NR1D1: variants seen among roughly 807,000 people sequenced by gnomAD.
The protein encoded by NR1D1 is nuclear receptor subfamily 1 group D member 1, also known as Rev-ErbAalpha.
Under a neutral mutation model 51.1 loss-of-function variants are expected in NR1D1, and 17 were observed. The observed-to-expected ratio is 0.33, with a 90% confidence interval of 0.23 to 0.50. The LOEUF is 0.50. NR1D1 is among the 20% of genes least tolerant of loss of function. NR1D1 has a pLI of 0.98. For missense variants in NR1D1, 647 were observed against 830.4 expected, an observed-to-expected ratio of 0.78 and a Z score of 2.71; for synonymous variants, 341 against 333.4, an observed-to-expected ratio of 1.02 and a Z score of -0.25.
At position 40,094,859 on chromosome 17, in the gene NR1D1, T is replaced by C. The variant is rs1359910488; in HGVS notation, c.1434+76A>G. On this transcript the variant is annotated intron_variant, in intron 6 of 7. Transcript: ENST00000246672. ...GTTGCAGTGAGTGGAGATCGCACCA[T>C]TGCACTCCAGCCTGGGCGACAAGCG... 3.2e-5 allele frequency: 45 copies of C among 1,406,258 alleles called. No homozygotes were observed. In the East Asian group the frequency reaches 4.2e-4, roughly 13 times the overall value. The allele number at this position is 1,406,258 out of a possible 1,614,324, so 87.1% of individuals were successfully genotyped here.
At chr17:40,094,439 C>T (rs937253115) in intron 6 of NR1D1, among the ~76,000 whole-genome samples, 1 of 152,184 alleles carries the variant, frequency 6.6e-6, no homozygotes, top group Non-Finnish European at 1.5e-5. Flanking sequence ...GATTAAATTC[C>T]AGCTGAGATG....
rs780299177 is a variant in NR1D1, at chr17:40,093,895, G to A, written c.1645+17C>T. 7.5e-6 allele frequency: 12 copies of A among 1,607,574 alleles called. No homozygotes were observed. Among genetic ancestry groups the A allele is most frequent in the Admixed American group, 1.7e-5 (1 of 59,934 alleles). ...GCGTCTGCCTCCTCCCCCGGGTCAG[G>A]CGAGAGCCTGACCTACCTGCAGAGA... On this transcript the variant is annotated intron_variant, in intron 7 of 7. Coordinates refer to ENST00000246672, the MANE Select transcript of NR1D1 (RefSeq NM_021724.5). This position sits in a 1 kb window ranked among gnomAD's most constrained non-coding sequence, Gnocchi z 5.9.
chr17:40,095,378 C>T, intron 5 of NR1D1, 66 bp downstream of exon 5: 2 of 1,506,556 alleles, frequency 1.3e-6, no homozygotes, highest in Non-Finnish European at 1.8e-6. Flanking sequence ...AGCTGCCCTA[C>T]ACTAAGTCCA....
chr17:40,098,544 G>A (rs1428095804), intron 1 of NR1D1, among the ~76,000 whole-genome samples: 1 of 152,194 alleles, frequency 6.6e-6, no homozygotes, highest in Admixed American at 6.5e-5. Context: ...CCAAAAAGGA[G>A]TGAGACCTTC....
At chr17:40,094,193 G>T in intron 6 of NR1D1, 71 bp from the exon 7 acceptor site, 1 of 1,433,692 alleles carries the variant, frequency 7.0e-7, no homozygotes, top group Non-Finnish European at 9.8e-7. Context: ...CCTGTAGTTT[G>T]CCAGAGGGTT....
chr17:40,094,787 A>G, intron 6 of NR1D1, 148 bp downstream of exon 6: 1 of 682,286 alleles, frequency 1.5e-6, no homozygotes, highest in Non-Finnish European at 2.4e-6. Context: ...AATCCCAGCT[A>G]CTTGGAAGGC....
Position 40,095,008 on chromosome 17 carries a change from G to A in NR1D1, c.1361C>T (p.Ala454Val). 6.2e-7 allele frequency: 1 copy of A among 1,614,160 alleles called. No individual in the cohort carries two copies. The highest frequency in any genetic ancestry group is 8.5e-7 in the Non-Finnish European group (1 of 1,180,042). The change falls in exon 6 of 8, where the codon GCC becomes GTC. Residue 454 changes from alanine to valine, a missense_variant. Around this residue, in one of 7 missense-constraint regions of NR1D1, gnomAD observed 155 missense variants for 236.8 expected, o/e 0.65. Coordinates refer to ENST00000246672, the MANE Select transcript of NR1D1 (RefSeq NM_021724.5). ...TPAVREVVEF[A>V]KHIPGFRDLS... is the part of the protein sequence containing the mutation. ...GTCACGGAAGCCCGGGATGTGTTTG[G>A]CAAACTCTACCACCTCCCGCACAGC...
At position 40,093,815 on chromosome 17, in the gene NR1D1, G is replaced by A. The variant is rs993815437; in HGVS notation, c.1645+97C>T. On this transcript the variant is annotated intron_variant, in intron 7 of 7. Coordinates refer to ENST00000246672, the MANE Select transcript of NR1D1 (RefSeq NM_021724.5). This position sits in a 1 kb window ranked among gnomAD's most constrained non-coding sequence, Gnocchi z 5.9. The stretch of plus-strand genomic sequence containing the variant: ...AATCATGTCTGTATCCCCAGTGCCC[G>A]GTGCAGGGCCTGGCATAGAGTAGGT... The A allele has an allele frequency of 1.4e-4, 151 of 1,093,402 alleles. No homozygotes were observed. Among genetic ancestry groups the A allele is most frequent in the African/African-American group, 1.7e-4 (11 of 64,554 alleles). 67.7% of individuals were successfully genotyped at this position (1,093,402 alleles called of 1,614,324 possible).
chr17:40,096,615 C>T, intron 3 of NR1D1, 28 bp from the exon 4 acceptor site: 2 of 1,613,648 alleles, frequency 1.2e-6, no homozygotes, highest in Non-Finnish European at 1.7e-6. Context: ...TTAGTGACCA[C>T]CTCCATCATG....
intron 1 of NR1D1, among the ~76,000 whole-genome samples, chr17:40,099,146 G>T (rs1004337780): frequency 1.3e-5 from 2 of 152,064 alleles, no homozygotes; most frequent in Middle Eastern, 3.2e-3. Context: ...CCTGCTCCAC[G>T]TGTGCCTCTC....
chr17:40,096,416 G>A, intron 4 of NR1D1, 27 bp downstream of exon 4: 1 of 1,613,906 alleles, frequency 6.2e-7, no homozygotes, highest in Non-Finnish European at 8.5e-7. Flanking sequence ...CGGAAGAAGG[G>A]GGGAGGATGT....
rs1987638365 is a variant in NR1D1 at position 40,092,930 on chromosome 17, G to A, written c.*153C>T. The A allele has an allele frequency of 6.6e-7, 1 of 1,510,776 alleles. No homozygotes were observed. The highest frequency in any genetic ancestry group is 8.9e-7 in the Non-Finnish European group (1 of 1,128,930). 93.6% of individuals were successfully genotyped at this position (1,510,776 alleles called of 1,614,324 possible). On this transcript the variant is annotated 3_prime_UTR_variant, in exon 8 of 8. Coordinates refer to ENST00000246672, the MANE Select transcript of NR1D1 (RefSeq NM_021724.5). ...GGGGGAGGGAGGCAGGTATTTACAA[G>A]AAGGCTCAGGGGGCCAGAGGCTCAT...
rs1039117822 is a variant in NR1D1, at chr17:40,095,453, A to G, written c.1239T>C (p.Asn413=). 6.6e-7 allele frequency: 1 copy of G among 1,524,852 alleles called. No homozygotes were observed. The highest frequency in any genetic ancestry group is 1.3e-5 in the South Asian group (1 of 77,048). 94.5% of individuals were successfully genotyped at this position (1,524,852 alleles called of 1,614,324 possible). ...GCCCCCATGCCCTTACCAGCAGAAC[A>G]TTCTTTGAGTTGCCCTGCCGGGGAC... The part of the protein sequence containing the change: ...ANSPRQGNSK[N]VLLACPMNMY... Residue 413 remains asparagine, a synonymous_variant, in exon 5 of 8, where the codon AAT becomes AAC. Transcript: ENST00000246672.
chr17:40,094,927 T>C lies in NR1D1; in HGVS notation c.1434+8A>G, dbSNP rs1987718272. ...AAACAAAAACCAGAAGCATAAACGGTCACTCACCTCAAAGGTGCCAGCCTT... is the reference window on the plus strand; with the variant it reads ...AAACAAAAACCAGAAGCATAAACGGCCACTCACCTCAAAGGTGCCAGCCTT... On this transcript the variant is annotated splice_region_variant and intron_variant, in intron 6 of 7. Coordinates refer to ENST00000246672, the MANE Select transcript of NR1D1 (RefSeq NM_021724.5). 1.2e-6 allele frequency: 2 copies of C among 1,612,726 alleles called. No homozygotes were observed. The highest frequency in any genetic ancestry group is 1.1e-5 in the South Asian group (1 of 90,994).
Position 40,094,118 on chromosome 17 carries a change from A to T in NR1D1, c.1439T>A (p.Leu480Gln). The T allele has an allele frequency of 6.2e-7, 1 of 1,613,908 alleles. No individual in the cohort carries two copies. Among genetic ancestry groups the T allele is most frequent in the Non-Finnish European group, 8.5e-7 (1 of 1,179,994 alleles). ...GAACAACGAAGCAAAGCGCACCATCAGCACCTAGGAGGGAAGGGGAACAGT... is the reference window on the plus strand; with the variant it reads ...GAACAACGAAGCAAAGCGCACCATCTGCACCTAGGAGGGAAGGGGAACAGT... Reference protein sequence around the residue: ...TLLKAGTFEVLMVRFASLFNV... With the variant: ...TLLKAGTFEVQMVRFASLFNV... Residue 480 changes from leucine (L) to glutamine (Q), a missense_variant, in exon 7 of 8, where the codon CTG (leucine) becomes CAG (glutamine). Leu to Gln is a moderately radical substitution (Grantham distance 113). Coordinates refer to ENST00000246672, the MANE Select transcript of NR1D1 (RefSeq NM_021724.5).
intron 5 of NR1D1, 152 bp from the exon 6 acceptor site, chr17:40,095,272 T>C: frequency 2.6e-6 from 3 of 1,138,058 alleles, no homozygotes; most frequent in Non-Finnish European, 3.7e-6. Flanking sequence ...AGGTGCCAGG[T>C]GGAGATTAGG....
intron 5 of NR1D1, 132 bp downstream of exon 5, chr17:40,095,312 C>G (rs762087408): frequency 7.9e-7 from 1 of 1,273,776 alleles, no homozygotes; most frequent in Non-Finnish European, 1.1e-6. Flanking sequence ...GACTGCAAGG[C>G]AAGACATTTT....
rs751619320 is a variant in NR1D1, at chr17:40,095,768, G to T, written c.924C>A (p.Gly308=). 1.7e-5 allele frequency: 27 copies of T among 1,614,006 alleles called. No individual in the cohort carries two copies. Among genetic ancestry groups the T allele is most frequent in the Non-Finnish European group, 2.3e-5 (27 of 1,180,028 alleles). Residue 308 remains glycine, a synonymous_variant, in exon 5 of 8, where the codon GGC becomes GGA. Transcript: ENST00000246672. ...TGGCATTGAAGTTGCCAGGTGAGCT[G>T]CCCAGCTTGTCATGGGCGTAGGTGA... ...EIFTYAHDKL[G]SSPGNFNANH...
At chr17:40,097,530 T>A in intron 1 of NR1D1, 127 bp from the exon 2 acceptor site, 1 of 736,954 alleles carries the variant, frequency 1.4e-6, no homozygotes, top group Non-Finnish European at 2.3e-6. Flanking sequence ...GTGGAGCCCC[T>A]AATCTTGGAG....
Sources: allele counts gnomAD v4.1 joint callset (sites outside exome capture counted in the v4.1 genomes callset), GRCh38; gene constraint gnomAD v4.1.1; regional missense constraint gnomAD v4.1.1; non-coding constraint Gnocchi (gnomAD v3.1); transcripts MANE v1.5; gene names NCBI Gene and HGNC (gene_info 2026-07-23, HGNC 2026-07-21).